The following MTCL1 variants were observed in gnomAD, a reference collection of about 807,000 sequenced individuals.
MTCL1 encodes microtubule cross-linking factor 1.
MTCL1 carries 79 observed loss-of-function variants against 141.4 expected under a neutral mutation model. The ratio of observed to expected loss-of-function variants is 0.56; its 90% CI spans 0.47 to 0.67. The LOEUF (loss-of-function observed/expected upper bound fraction) is 0.67. Among genes scored for constraint, MTCL1 ranks in the 30% least tolerant of loss-of-function variants. The pLI, the probability that MTCL1 is intolerant of heterozygous loss-of-function variation, is 0.00. For missense variants in MTCL1, 2,177 were observed against 2,113.9 expected (o/e 1.03, Z -0.59); for synonymous variants, 914 against 875.8 (o/e 1.04, Z -0.77).
chr18:8,706,667 T>G, exon 1 of MTCL1: 1 of 1,546,468 alleles, frequency 6.5e-7, no homozygotes, highest in Non-Finnish European at 8.7e-7. Context: ...GAAGAAGAGC[T>G]GCTGCGGGAG....
At chr18:8,726,286 C>CTTTTTTTTTTTTTTTTTTTTT (rs77665680) in intron 4 of MTCL1, among the ~76,000 whole-genome samples, 2 of 102,258 alleles carry the variant, frequency 2.0e-5, no homozygotes, top group African/African-American at 3.8e-5. Context: ...TTCTTTTTTT[C>CTTTTTTTTTTTTTTTTTTTTT]TTTTTTTTTT....
intron 4 of MTCL1, among the ~76,000 whole-genome samples, chr18:8,742,329 G>A (rs1249793339): frequency 2.0e-5 from 3 of 151,908 alleles, no homozygotes; most frequent in Admixed American, 6.6e-5. Flanking sequence ...GTATTAGTGC[G>A]TTCTCATGCT....
At chr18:8,721,653 T>C (rs2096173721) in intron 4 of MTCL1, among the ~76,000 whole-genome samples, 1 of 152,154 alleles carries the variant, frequency 6.6e-6, no homozygotes, top group Non-Finnish European at 1.5e-5. Context: ...TCAACACTCG[T>C]GAAAGTTGTC....
chr18:8,807,490 C>T (rs2076340080), intron 11 of MTCL1, among the ~76,000 whole-genome samples: 1 of 152,156 alleles, frequency 6.6e-6, no homozygotes, highest in Non-Finnish European at 1.5e-5. Flanking sequence ...AACTTGGAGA[C>T]CTCCCACTGC....
chr18:8,805,350 C>T (rs2076263480), intron 10 of MTCL1, among the ~76,000 whole-genome samples: 1 of 152,254 alleles, frequency 6.6e-6, no homozygotes, highest in African/African-American at 2.4e-5. Context: ...TAAGTGAGAA[C>T]ATGCGGTATT....
intron 15 of MTCL1, 25 bp downstream of exon 14, chr18:8,826,257 C>T: frequency 6.6e-7 from 1 of 1,519,670 alleles, no homozygotes; most frequent in Non-Finnish European, 8.9e-7. Flanking sequence ...GTGCCCCACA[C>T]CCTTCCCCAC....
intron 4 of MTCL1, among the ~76,000 whole-genome samples, chr18:8,765,207 TGTC>T (rs932931414): frequency 4.7e-4 from 72 of 152,286 alleles, no homozygotes; most frequent in African/African-American, 1.7e-3. Flanking sequence ...TCAGGATAAA[TGTC>T]GTGGCAGCAG....
chr18:8,724,087 C>T (rs591306), intron 4 of MTCL1, among the ~76,000 whole-genome samples: 61,704 of 151,832 alleles, frequency 0.41, 13,451 homozygotes, highest in African/African-American at 0.53. Context: ...CTGCACAACA[C>T]GAGAATGTAC....
intron 4 of MTCL1, among the ~76,000 whole-genome samples, chr18:8,733,129 G>T (rs1479699767): frequency 6.6e-6 from 1 of 152,216 alleles, no homozygotes; most frequent in Non-Finnish European, 1.5e-5. Flanking sequence ...AGGAAGGTGA[G>T]AGCTGAGGAC....
At chr18:8,754,369 C>T (rs748508368) in intron 4 of MTCL1, among the ~76,000 whole-genome samples, 1 of 152,204 alleles carries the variant, frequency 6.6e-6, no homozygotes, top group Non-Finnish European at 1.5e-5. Flanking sequence ...CCGCGCCTGG[C>T]CTCTCCTTTA....
chr18:8,817,273 T>TTTTA (rs2076686466), intron 12 of MTCL1, among the ~76,000 whole-genome samples: 4 of 149,352 alleles, frequency 2.7e-5, no homozygotes, highest in South Asian at 2.1e-4. Context: ...TTTTTTTTTT[T>TTTTA]AAAGAAAGCA....
intron 4 of MTCL1, among the ~76,000 whole-genome samples, chr18:8,767,417 C>G (rs2096464571): frequency 6.6e-6 from 1 of 152,154 alleles, no homozygotes; most frequent in Non-Finnish European, 1.5e-5. Flanking sequence ...TTAGGCCTCC[C>G]TAGTGGAAGA....
At chr18:8,756,328 T>C (rs1224930121) in intron 4 of MTCL1, among the ~76,000 whole-genome samples, 3 of 151,748 alleles carry the variant, frequency 2.0e-5, no homozygotes, top group South Asian at 2.1e-4. Context: ...TATGTGTGTA[T>C]ATATATGTGT....
Position 8,822,581 on chromosome 18 carries a change from G to T in MTCL1, c.3188+1083G>T, listed in dbSNP as rs985950110. Among the ~76,000 whole-genome samples, 1 of 152,192 alleles carries T rather than the reference G, an allele frequency of 6.6e-6. No individual in the cohort carries two copies. The highest frequency in any genetic ancestry group is 2.4e-5 in the African/African-American group (1 of 41,448). ...GCTGGGATTACAGGCGTGAGCCACTGTGCCCAGCCCAAACTGCCTGGGTTT... is the reference window on the plus strand; with the variant it reads ...GCTGGGATTACAGGCGTGAGCCACTTTGCCCAGCCCAAACTGCCTGGGTTT... On this transcript the variant is annotated intron_variant, in intron 14 of 16. Transcript: ENST00000359865. This position sits in a 1 kb window ranked among gnomAD's most constrained non-coding sequence, Gnocchi z 4.6.
exon 7 of MTCL1, chr18:8,786,020 G>A (rs1215785690): frequency 6.3e-7 from 1 of 1,583,958 alleles, no homozygotes; most frequent in East Asian, 2.2e-5. Flanking sequence ...AGCCGCGCGG[G>A]AGCTGCACCG....
chr18:8,754,453 A>C (rs1202138300), intron 4 of MTCL1, among the ~76,000 whole-genome samples: 1 of 152,252 alleles, frequency 6.6e-6, no homozygotes, highest in Non-Finnish European at 1.5e-5. Flanking sequence ...TTTTGGGAAT[A>C]TGGAAGAAGT....
intron 10 of MTCL1, among the ~76,000 whole-genome samples, chr18:8,804,481 T>C (rs1440329982): frequency 1.3e-5 from 2 of 152,158 alleles, no homozygotes; most frequent in Non-Finnish European, 2.9e-5. Flanking sequence ...GCTTCACATA[T>C]ATGGTGAGCA....
chr18:8,720,625 A>C (rs2096164414), intron 4 of MTCL1, 129 bp downstream of exon 3: 3 of 849,884 alleles, frequency 3.5e-6, no homozygotes, highest in African/African-American at 3.4e-5. Context: ...TTTGGCTCAT[A>C]AGTTAGATTG....
chr18:8,740,956 A>T (rs974439350), intron 4 of MTCL1, among the ~76,000 whole-genome samples: 2 of 152,166 alleles, frequency 1.3e-5, no homozygotes, highest in African/African-American at 4.8e-5. Context: ...TGAACACCAG[A>T]TCAGATCTTT....
Sources: allele counts gnomAD v4.1 joint callset (sites outside exome capture counted in the v4.1 genomes callset), GRCh38; gene constraint gnomAD v4.1.1; non-coding constraint Gnocchi (gnomAD v3.1); transcripts MANE v1.5; gene names NCBI Gene and HGNC (gene_info 2026-07-23, HGNC 2026-07-21).